CMC1: variants seen among roughly 807,000 people sequenced by gnomAD.
The protein encoded by CMC1 is C-X9-C motif containing 1.
A neutral mutation model predicts 14.1 loss-of-function variants in CMC1; 14 were observed. The ratio of observed to expected loss-of-function variants is 0.99; its 90% CI spans 0.66 to 1.55. The LOEUF (loss-of-function observed/expected upper bound fraction) is 1.55, where lower values mean the gene tolerates loss of function less well. Ranked by LOEUF, CMC1 falls within the 40% of genes most tolerant of loss-of-function variation. The pLI is 0.00. For missense variants in CMC1, 127 were observed against 123.8 expected (o/e 1.03, Z -0.12); for synonymous variants, 50 against 38.4 (o/e 1.30, Z -1.12).
intron 2 of CMC1, among the ~76,000 whole-genome samples, chr3:28,280,738 C>T (rs1176890070): frequency 1.3e-5 from 2 of 152,072 alleles, no homozygotes. Context: ...TCAGCAGAGT[C>T]CGATTGCTTA....
intron 1 of CMC1, among the ~76,000 whole-genome samples, chr3:28,248,595 T>C (rs1161848305): frequency 6.6e-6 from 1 of 152,204 alleles, no homozygotes; most frequent in Non-Finnish European, 1.5e-5. Context: ...GTTTGTGTCT[T>C]GTTGCCTGGA....
At chr3:28,249,380 A>G (rs923989912) in intron 1 of CMC1, among the ~76,000 whole-genome samples, 1 of 152,236 alleles carries the variant, frequency 6.6e-6, no homozygotes, top group African/African-American at 2.4e-5. Flanking sequence ...GTAACTATCA[A>G]ATACTAAAAC....
intron 1 of CMC1, among the ~76,000 whole-genome samples, chr3:28,258,827 G>A (rs546299708): frequency 2.0e-5 from 3 of 151,884 alleles, no homozygotes; most frequent in Admixed American, 1.3e-4. Flanking sequence ...GTTTCACTGT[G>A]TTAGCCAGGA....
At chr3:28,274,214 T>TTTTTTTTTTTTTTTTTG (rs1553615927) in intron 2 of CMC1, among the ~76,000 whole-genome samples, 1 of 122,608 alleles carries the variant, frequency 8.2e-6, no homozygotes, top group African/African-American at 3.3e-5. Context: ...GTGTTTTTGT[T>TTTTTTTTTTTTTTTTTG]TTTTTCTTTT....
In CMC1 at chr3:28,324,508, A is replaced by C; in HGVS notation, c.*4879A>C. 2.2e-6 allele frequency: 3 copies of C among 1,377,646 alleles called. No homozygotes were observed. The highest frequency in any genetic ancestry group is 2.9e-6 in the Non-Finnish European group (3 of 1,047,358). The allele number at this position is 1,377,646 out of a possible 1,614,324, so 85.3% of individuals were successfully genotyped here. A position where few individuals can be genotyped will look rare whatever the true frequency, so the allele number is the denominator to read the frequency against. On this transcript the variant is annotated 3_prime_UTR_variant, in exon 4 of 4. Coordinates refer to ENST00000466830, the MANE Select transcript of CMC1 (RefSeq NM_182523.2). ...GTTTTCATTACATTTGTGATCATAA[A>C]ATTCGATAACACTTCACCAATTTGA...
At chr3:28,265,560 T>C (rs1382813901) in intron 2 of CMC1, among the ~76,000 whole-genome samples, 1 of 152,194 alleles carries the variant, frequency 6.6e-6, no homozygotes, top group Non-Finnish European at 1.5e-5. Flanking sequence ...TAATAAGTGA[T>C]CTGACTTTCT....
Position 28,322,741 on chromosome 3 carries a change from T to C in CMC1, c.*3112T>C, listed in dbSNP as rs1341792113. ...CCAATTCCATTAATCACAGACAAGC[T>C]TGAATAAGTGTAAGATAATAGAAAA... On this transcript the variant is annotated 3_prime_UTR_variant, in exon 4 of 4. Transcript: ENST00000466830. 2.0e-5 allele frequency: 3 copies of C among 151,562 alleles called. No individual in the cohort carries two copies. The highest frequency in any genetic ancestry group is 3.0e-5 in the Non-Finnish European group (2 of 67,392). 9.4% of individuals were successfully genotyped at this position (151,562 alleles called of 1,614,324 possible).
At chr3:28,256,850 CTG>C (rs1699438382) in intron 1 of CMC1, among the ~76,000 whole-genome samples, 1 of 152,160 alleles carries the variant, frequency 6.6e-6, no homozygotes, top group Non-Finnish European at 1.5e-5. Context: ...GGATGCAAAA[CTG>C]TTTCTGATTG....
In CMC1 at chr3:28,283,563, A is replaced by G. The variant is rs578151157; in HGVS notation, c.109+20183A>G. ...ACAACAACAAAAACAAAAAAAAAAA[A>G]AAAAGAAAAGAAGAAAGAAACCAAT... On this transcript the variant is annotated intron_variant, in intron 2 of 3. Transcript: ENST00000466830. Among the ~76,000 whole-genome samples, 21 of 151,582 alleles carry G rather than the reference A, an allele frequency of 1.4e-4. No homozygotes were observed. The South Asian group carries it at 2.7e-3, about 20-fold the overall frequency.
At chr3:28,308,224 G>A (rs1702435115) in intron 2 of CMC1, among the ~76,000 whole-genome samples, 1 of 150,794 alleles carries the variant, frequency 6.6e-6, no homozygotes, top group South Asian at 2.1e-4. Context: ...AACATAGGCA[G>A]AAAATGAAAA....
intron 2 of CMC1, among the ~76,000 whole-genome samples, chr3:28,270,000 A>T (rs1559412259): frequency 1.3e-5 from 2 of 151,980 alleles, no homozygotes; most frequent in Non-Finnish European, 1.5e-5. Context: ...TTCAGCTCCC[A>T]CTTATAAGTG....
chr3:28,316,049 CCT>C (rs541097592), intron 2 of CMC1: 5 of 211,710 alleles, frequency 2.4e-5, no homozygotes, highest in Non-Finnish European at 4.7e-5. Flanking sequence ...TCTCAGAAGT[CCT>C]CTCTCCCTCT....
chr3:28,285,891 C>T (rs940579333), intron 2 of CMC1, among the ~76,000 whole-genome samples: 6 of 151,842 alleles, frequency 4.0e-5, no homozygotes, highest in Admixed American at 2.6e-4. Context: ...TTCAGCCTCC[C>T]GAGTAGCTGG....
At chr3:28,288,576 G>A (rs1456050275) in intron 2 of CMC1, among the ~76,000 whole-genome samples, 1 of 151,886 alleles carries the variant, frequency 6.6e-6, no homozygotes, top group Non-Finnish European at 1.5e-5. Context: ...TACTATTGAA[G>A]GTAAATGTAC....
At chr3:28,290,264 A>T (rs1230461953) in intron 2 of CMC1, among the ~76,000 whole-genome samples, 2 of 151,848 alleles carry the variant, frequency 1.3e-5, no homozygotes, top group African/African-American at 4.8e-5. Context: ...CTGTTGCTTG[A>T]TTTTATTGCC....
chr3:28,293,660 C>A (rs1314829340), intron 2 of CMC1, among the ~76,000 whole-genome samples: 3 of 152,142 alleles, frequency 2.0e-5, no homozygotes, highest in Admixed American at 1.3e-4. Flanking sequence ...CGGCTCACTG[C>A]AGCCTCTGCC....
chr3:28,253,238 C>A (rs1191207612), intron 1 of CMC1, among the ~76,000 whole-genome samples: 1 of 152,146 alleles, frequency 6.6e-6, no homozygotes, highest in African/African-American at 2.4e-5. Context: ...GTATATCATG[C>A]CTTCTTCCCG....
intron 2 of CMC1, among the ~76,000 whole-genome samples, chr3:28,286,941 A>G (rs1701215699): frequency 6.6e-6 from 1 of 152,244 alleles, no homozygotes; most frequent in East Asian, 1.9e-4. Context: ...ATTGCAAAAG[A>G]GAAGAATATA....
rs898598354 is a variant in CMC1, at chr3:28,322,648, T to G, written c.*3019T>G. 6.6e-6 allele frequency: 1 copy of G among 151,592 alleles called. No homozygotes were observed. Among genetic ancestry groups the G allele is most frequent in the Non-Finnish European group, 1.5e-5 (1 of 67,406 alleles). 9.4% of individuals were successfully genotyped at this position (151,592 alleles called of 1,614,324 possible). The stretch of plus-strand genomic sequence containing the variant: ...TGCATATTGGGTTTGGTTCTATTAC[T>G]TGGCAGGAGATTGTACTCCCCTGAG... On this transcript the variant is annotated 3_prime_UTR_variant, in exon 4 of 4. Coordinates refer to ENST00000466830, the MANE Select transcript of CMC1 (RefSeq NM_182523.2).
Sources: allele counts gnomAD v4.1 joint callset (sites outside exome capture counted in the v4.1 genomes callset), GRCh38; gene constraint gnomAD v4.1.1; transcripts MANE v1.5; gene names NCBI Gene and HGNC (gene_info 2026-07-23, HGNC 2026-07-21).